CFAP65: variants seen among roughly 807,000 people sequenced by gnomAD.
CFAP65 encodes the protein cilia and flagella associated protein 65.
CFAP65 carries 155 observed loss-of-function variants against 208.0 expected under a neutral mutation model. That is an observed-to-expected ratio of 0.75 (90% confidence interval 0.65 to 0.85). The LOEUF (loss-of-function observed/expected upper bound fraction) is 0.85. Ranked by LOEUF, CFAP65 falls within the 40% of genes least tolerant of loss-of-function variation. CFAP65 has a pLI of 0.00. For synonymous variants in CFAP65, 970 were observed against 986.3 expected (o/e 0.98, Z 0.31); for missense variants, 2,294 against 2,451.3 (o/e 0.94, Z 1.36).
chr2:219,009,657 A>G (rs567763232), intron 27 of CFAP65, among the ~76,000 whole-genome samples, 197 bp from the exon 28 acceptor site: 837 of 33,244 alleles, frequency 0.025, 2 homozygotes, highest in African/African-American at 0.12. Context: ...GGGATGGGAT[A>G]GGATGGGGTG....
At chr2:219,006,556 G>C (rs553943615) in intron 29 of CFAP65, 47 bp from the exon 30 acceptor site, 7 of 1,591,854 alleles carry the variant, frequency 4.4e-6, no homozygotes, top group Non-Finnish European at 6.0e-6. Context: ...AGGCCCGGCC[G>C]GGGGTGGTGC....
At chr2:219,029,880 G>A in intron 10 of CFAP65, 106 bp downstream of exon 10, 1 of 1,219,706 alleles carries the variant, frequency 8.2e-7, no homozygotes, top group South Asian at 1.4e-5. Context: ...AGACACCCAG[G>A]CTGAGGCAAG....
chr2:219,038,200 C>A (rs1312662945), intron 4 of CFAP65, among the ~76,000 whole-genome samples, 175 bp downstream of exon 4: 1 of 152,234 alleles, frequency 6.6e-6, no homozygotes, highest in East Asian at 1.9e-4. Flanking sequence ...ATAGTATTTT[C>A]TTTCCTGAGT....
At chr2:219,027,384 A>C in intron 13 of CFAP65, 1 of 1,468,980 alleles carries the variant, frequency 6.8e-7, no homozygotes. Flanking sequence ...CTGTGCACCC[A>C]GTTTTCCCAA....
intron 14 of CFAP65, 138 bp downstream of exon 14, chr2:219,025,884 C>G (rs1057261069): frequency 5.6e-6 from 6 of 1,069,942 alleles, no homozygotes; most frequent in South Asian, 3.1e-5. Flanking sequence ...AGAATTGGCA[C>G]AGCGGACGTG....
Position 219,002,899 on chromosome 2 carries a change from ACC to A in CFAP65, c.*36_*37del, listed in dbSNP as rs751172989. 5,531 of 1,518,192 alleles carry A rather than the reference ACC, an allele frequency of 3.6e-3. 167 individuals carry two copies. The African/African-American group carries it at 0.066, about 18-fold the overall frequency. The allele number at this position is 1,518,192 out of a possible 1,614,324, so 94.0% of individuals were successfully genotyped here. A position where few individuals can be genotyped will look rare whatever the true frequency, so the allele number is the denominator to read the frequency against. On this transcript the variant is annotated 3_prime_UTR_variant, in exon 35 of 35. Coordinates refer to ENST00000341552, the MANE Select transcript of CFAP65 (RefSeq NM_194302.4). This position sits in a 1 kb window ranked among gnomAD's most constrained non-coding sequence, Gnocchi z 7.9. ...GGCGGTGGAGAGGGGGCCAGGCGTG[ACC>A]CCTAGCGGCATGTCGGAGAGGCTGG...
Position 219,004,164 on chromosome 2 carries a change from TTCCTCCTCTTCC to T in CFAP65, c.5331_5342del (p.Glu1781_Glu1784del). 6.2e-7 allele frequency: 1 copy of T among 1,613,882 alleles called. No homozygotes were observed. The highest frequency in any genetic ancestry group is 8.5e-7 in the Non-Finnish European group (1 of 1,179,998). ...ACTCCTCCTCTTCTGTCTCCTCTTC[TTCCTCCTCTTCC>T]TCCTCCAACTCTTCTTCTTCCTCTT... On this transcript the variant is annotated inframe_deletion, in exon 33 of 35. Coordinates refer to ENST00000341552, the MANE Select transcript of CFAP65 (RefSeq NM_194302.4). This position sits in a 1 kb window ranked among gnomAD's most constrained non-coding sequence, Gnocchi z 4.7.
intron 12 of CFAP65, 28 bp from the exon 13 acceptor site, chr2:219,028,037 G>T: frequency 6.6e-7 from 1 of 1,520,660 alleles, no homozygotes. Flanking sequence ...GGTGGATAGG[G>T]CTCAACTGCC....
intron 28 of CFAP65, 83 bp downstream of exon 28, chr2:219,009,264 G>A: frequency 1.4e-6 from 2 of 1,450,548 alleles, no homozygotes; most frequent in Non-Finnish European, 1.9e-6. Context: ...GCTGGGGTCT[G>A]GGGATCTCAC....
At chr2:219,006,742 G>A (rs1946026276) in intron 29 of CFAP65, among the ~76,000 whole-genome samples, 1 of 151,552 alleles carries the variant, frequency 6.6e-6, no homozygotes, top group Non-Finnish European at 1.5e-5. Flanking sequence ...GCTGAGGCTG[G>A]AGAATCGCTT....
Position 219,019,601 on chromosome 2 carries a change from G to C in CFAP65, c.3378C>G (p.His1126Gln), listed in dbSNP as rs750366129. 1 of 1,613,832 alleles carries C rather than the reference G, an allele frequency of 6.2e-7. No individual in the cohort carries two copies. The highest frequency in any genetic ancestry group is 1.1e-5 in the South Asian group (1 of 91,090). The change falls in exon 20 of 35, where the codon CAC (histidine) becomes CAG (glutamine). Residue 1126 changes from histidine (H) to glutamine (Q), a missense_variant. Physicochemically the swap from His to Gln is conservative, Grantham distance 24 (BLOSUM62 0). Transcript: ENST00000341552. ...MGSAEGITRK[H>Q]LWRLFSLDLL... ...GGTCCAGAGAGAAGAGGCGCCACAG[G>C]TGCTTCCGGGTGATACCCTCAGCAC...
At position 219,038,573 on chromosome 2, in the gene CFAP65, A is replaced by C; in HGVS notation, c.159T>G (p.His53Gln). 1.2e-6 allele frequency: 2 copies of C among 1,613,562 alleles called. No homozygotes were observed. The highest frequency in any genetic ancestry group is 1.7e-6 in the Non-Finnish European group (2 of 1,179,646). ...QAESKSQIKL[H>Q]TQSAPFGLCP... The stretch of plus-strand genomic sequence containing the variant: ...ACAGTCCAAAGGGAGCACTCTGAGT[A>C]TGGAGCTGGGAAGAGAGCAGAGGGG... The change falls in exon 4 of 35, where the codon CAT becomes CAG. Residue 53 changes from histidine (H) to glutamine (Q), a missense_variant. By Grantham distance (24) the His-to-Gln change is conservative. Coordinates refer to ENST00000341552, the MANE Select transcript of CFAP65 (RefSeq NM_194302.4).
In CFAP65 at chr2:219,041,201, G is replaced by A. The variant is rs112289252; in HGVS notation, c.-49+287C>T. On this transcript the variant is annotated intron_variant, in intron 1 of 34. Coordinates refer to ENST00000341552, the MANE Select transcript of CFAP65 (RefSeq NM_194302.4). Reference sequence around the variant, plus strand: ...TTGCTGATCTAAAAATCTCCAAGATGACCACTAGAAAAAGTGGCAGGTCGT... The same window carrying A: ...TTGCTGATCTAAAAATCTCCAAGATAACCACTAGAAAAAGTGGCAGGTCGT... Among the ~76,000 whole-genome samples the A allele has an allele frequency of 4.9e-4, 74 of 152,276 alleles. No individual in the cohort carries two copies. The South Asian group carries it at 5.4e-3, about 11-fold the overall frequency.
In CFAP65 at chr2:219,031,294, G is replaced by C. The variant is rs939383547; in HGVS notation, c.827C>G (p.Thr276Ser). The C allele has an allele frequency of 6.2e-7, 1 of 1,613,682 alleles. No individual in the cohort carries two copies. Among genetic ancestry groups the C allele is most frequent in the African/African-American group, 1.3e-5 (1 of 74,908 alleles). ...GCTGGAGAACTCCCAGGTGAAGAAG[G>C]TGGGCAGGTCCCTGGGGGTGGGGGG... ...FCLDNVGDLP[T>S]FFTWEFSSPF... Residue 276 changes from threonine (T) to serine (S), a missense_variant, in exon 8 of 35, where the codon ACC becomes AGC. Physicochemically the swap from Thr to Ser is moderately conservative, Grantham distance 58. This residue lies in a region of CFAP65 where 867 missense variants were observed against 1,012.6 expected (regional missense o/e 0.86). Coordinates refer to ENST00000341552, the MANE Select transcript of CFAP65 (RefSeq NM_194302.4). This position sits in a 1 kb window ranked among gnomAD's most constrained non-coding sequence, Gnocchi z 5.2.
At position 219,004,520 on chromosome 2, in the gene CFAP65, C is replaced by T; in HGVS notation, c.5052-65G>A. ...CCCTGAAGCCCCTGGGGAGCCCTGG[C>T]TTCAGAGCTAGGTTCTAGGTGGGAA... On this transcript the variant is annotated intron_variant, in intron 32 of 34. Transcript: ENST00000341552. This position sits in a 1 kb window ranked among gnomAD's most constrained non-coding sequence, Gnocchi z 4.7. The T allele has an allele frequency of 6.6e-7, 1 of 1,524,418 alleles. No individual in the cohort carries two copies. Among genetic ancestry groups the T allele is most frequent in the East Asian group, 2.2e-5 (1 of 44,452 alleles). The allele number at this position is 1,524,418 out of a possible 1,614,324, so 94.4% of individuals were successfully genotyped here.
chr2:219,002,935 A>T lies in CFAP65; in HGVS notation c.*2T>A. ...CATGTCGGAGAGGCTGGGCGCGGGC[A>T]TTTACGGAAGGTCGGTAGGAAGTGG... On this transcript the variant is annotated 3_prime_UTR_variant, in exon 35 of 35. Transcript: ENST00000341552. The surrounding 1 kb of genome is among the most constrained non-coding windows in gnomAD (Gnocchi z 7.9). 1 of 1,564,390 alleles carries T rather than the reference A, an allele frequency of 6.4e-7. No individual in the cohort carries two copies. Among genetic ancestry groups the T allele is most frequent in the Non-Finnish European group, 8.7e-7 (1 of 1,153,788 alleles).
chr2:219,038,373 A>G lies in CFAP65; in HGVS notation c.357+2T>C, dbSNP rs1162017768. 6.2e-7 allele frequency: 1 copy of G among 1,612,302 alleles called. No individual in the cohort carries two copies. Among genetic ancestry groups the G allele is most frequent in the South Asian group, 1.1e-5 (1 of 90,998 alleles). On this transcript the variant is annotated splice_donor_variant, in intron 4 of 34. Coordinates refer to ENST00000341552, the MANE Select transcript of CFAP65 (RefSeq NM_194302.4). LOFTEE classifies it high-confidence loss of function. ...CTCTGCCTGCCCTGGCTGTATCCTT[A>G]CCTGGGCGCTGATGGTGCTGCAGGC...
At position 219,006,048 on chromosome 2, in the gene CFAP65, GAGA is replaced by G. The variant is rs1472923468; in HGVS notation, c.4892_4894del (p.Phe1631del). The G allele has an allele frequency of 6.8e-6, 11 of 1,613,280 alleles. No homozygotes were observed. Among genetic ancestry groups the G allele is most frequent in the African/African-American group, 1.3e-5 (1 of 75,070 alleles). On this transcript the variant is annotated inframe_deletion, in exon 31 of 35. Coordinates refer to ENST00000341552, the MANE Select transcript of CFAP65 (RefSeq NM_194302.4). ...GTGCAAAAAGTGGCAGGGAAACTCT[GAGA>G]AGAAGTTAGCCAGAAAGTAGTCGGT...
At chr2:219,023,105 G>A (rs774177184) in intron 16 of CFAP65, 102 bp downstream of exon 16, 354 of 927,662 alleles carry the variant, frequency 3.8e-4, no homozygotes, top group Non-Finnish European at 5.7e-4. Flanking sequence ...TACTGTGGAT[G>A]GAATTGGGGG....
Sources: gnomAD v4.1 joint callset for allele counts (sites outside exome capture counted in the v4.1 genomes callset) on GRCh38, gnomAD v4.1.1 for gene constraint, gnomAD v4.1.1 regional missense constraint, Gnocchi (gnomAD v3.1) non-coding constraint, MANE v1.5 for transcripts, NCBI Gene and HGNC (gene_info 2026-07-23, HGNC 2026-07-21) for gene names.